Variants in TEX11 observed in about 807,000 individuals in gnomAD.
TEX11 encodes testis-expressed protein 11.
TEX11 carries 7 observed loss-of-function variants against 84.4 expected under a neutral mutation model. That is an observed-to-expected ratio of 0.08 (90% CI 0.05 to 0.16). The LOEUF is 0.16. Ranked by LOEUF, TEX11 falls within the 10% of genes least tolerant of loss-of-function variation. The probability of loss-of-function intolerance (pLI) is 1.00; values close to 1 mark genes in which losing one functional copy is unlikely to be tolerated. For synonymous variants in TEX11, 264 were observed against 222.8 expected, an observed-to-expected ratio of 1.18 and a Z score of -1.64; for missense variants, 551 against 660.5, an observed-to-expected ratio of 0.83 and a Z score of 1.82.
intron 11 of TEX11, among the ~76,000 whole-genome samples, chrX:70,729,826 T>A (rs186986275): frequency 1.5e-4 from 17 of 110,721 alleles, no homozygotes; most frequent in African/African-American, 5.2e-4. Flanking sequence ...AAGATATGCC[T>A]CGAGAAGAGC....
chrX:70,862,671 A>G (rs1202198536), intron 4 of TEX11, among the ~76,000 whole-genome samples: 1 of 108,390 alleles, frequency 9.2e-6, no homozygotes, highest in African/African-American at 3.4e-5. Flanking sequence ...TAAGAGGCTG[A>G]GGTGGGTAAA....
At chrX:70,716,963 T>C (rs1321628916) in intron 13 of TEX11, among the ~76,000 whole-genome samples, 1 of 112,466 alleles carries the variant, frequency 8.9e-6, no homozygotes, top group Non-Finnish European at 1.9e-5. Context: ...TACTTAAATG[T>C]TAATGTCAGA....
At chrX:70,651,223 G>A (rs896850643) in intron 17 of TEX11, among the ~76,000 whole-genome samples, 5 of 111,547 alleles carry the variant, frequency 4.5e-5, no homozygotes, top group African/African-American at 1.3e-4. Flanking sequence ...TTCTTGTCCC[G>A]CGTTTGCCCA....
At chrX:70,626,334 T>C (rs1176349887) in intron 18 of TEX11, among the ~76,000 whole-genome samples, 1 of 110,574 alleles carries the variant, frequency 9.0e-6, no homozygotes, top group African/African-American at 3.3e-5. Context: ...AAGTTCCTCC[T>C]TAAGTTTTGT....
chrX:70,722,196 G>T (rs1312337225), intron 13 of TEX11, among the ~76,000 whole-genome samples: 2 of 112,104 alleles, frequency 1.8e-5, no homozygotes, highest in Non-Finnish European at 3.8e-5. Context: ...TTTTTAATCT[G>T]TAATGTCCAA....
At chrX:70,892,373 T>C (rs770256129) in intron 2 of TEX11, among the ~76,000 whole-genome samples, 1 of 111,617 alleles carries the variant, frequency 9.0e-6, no homozygotes, top group East Asian at 2.8e-4. Context: ...TAGCATCATG[T>C]TGACAGGATC....
intron 7 of TEX11, among the ~76,000 whole-genome samples, chrX:70,842,448 C>T (rs1169288115): frequency 9.0e-6 from 1 of 111,667 alleles, no homozygotes; most frequent in African/African-American, 3.3e-5. Flanking sequence ...ATGCTAAAAA[C>T]TCTCAATAAA....
At chrX:70,740,442 T>C (rs143879790) in intron 11 of TEX11, among the ~76,000 whole-genome samples, 5 of 111,660 alleles carry the variant, frequency 4.5e-5, no homozygotes, top group Non-Finnish European at 9.4e-5. Context: ...ACCTTTTTTA[T>C]TTTTACGTCC....
intron 4 of TEX11, among the ~76,000 whole-genome samples, chrX:70,863,070 T>C (rs1044388149): frequency 2.7e-5 from 3 of 111,200 alleles, no homozygotes; most frequent in Admixed American, 9.6e-5. Context: ...GGCTTATAGA[T>C]ACAACTCCCA....
intron 9 of TEX11, among the ~76,000 whole-genome samples, chrX:70,770,831 G>A (rs1423050688): frequency 9.0e-6 from 1 of 110,935 alleles, no homozygotes; most frequent in Non-Finnish European, 1.9e-5. Context: ...ACTCAAAGAG[G>A]TATACAATAA....
At chrX:70,561,847 T>C (rs904402031) in intron 25 of TEX11, among the ~76,000 whole-genome samples, 4 of 112,384 alleles carry the variant, frequency 3.6e-5, no homozygotes, top group African/African-American at 1.3e-4. Context: ...TCCAACATGA[T>C]TGATATATTA....
At chrX:70,685,171 C>T (rs1392980699) in intron 13 of TEX11, among the ~76,000 whole-genome samples, 1 of 111,867 alleles carries the variant, frequency 8.9e-6, no homozygotes, top group African/African-American at 3.3e-5. Context: ...TGAGACCAGC[C>T]TGGCCAATGT....
intron 2 of TEX11, 111 bp downstream of exon 2, chrX:70,907,642 T>G: frequency 1.7e-6 from 1 of 572,211 alleles, no homozygotes. Context: ...TCCGCCCGCC[T>G]CGGCCTCCCA....
chrX:70,672,240 T>C (rs1225121716), intron 15 of TEX11, among the ~76,000 whole-genome samples: 3 of 111,112 alleles, frequency 2.7e-5, no homozygotes, highest in Non-Finnish European at 5.7e-5. Flanking sequence ...CATACCAGTT[T>C]GTTTATCCAC....
At chrX:70,534,417 T>C (rs938745360) in intron 28 of TEX11, among the ~76,000 whole-genome samples, 1 of 111,588 alleles carries the variant, frequency 9.0e-6, no homozygotes, top group African/African-American at 3.3e-5. Flanking sequence ...TCCAATGAGT[T>C]AGGGAACACT....
chrX:70,566,699 A>G (rs1382633297), intron 25 of TEX11, among the ~76,000 whole-genome samples: 2 of 111,444 alleles, frequency 1.8e-5, no homozygotes, highest in Admixed American at 9.6e-5. Context: ...TATATGCTGG[A>G]TTACATTTAT....
At chrX:70,605,269 T>G in intron 24 of TEX11, 132 bp downstream of exon 24, 1 of 408,512 alleles carries the variant, frequency 2.4e-6, no homozygotes, top group East Asian at 4.0e-5. Flanking sequence ...ATTACAAACT[T>G]TTGAAATCAA....
At chrX:70,656,455 T>C (rs1438617643) in intron 16 of TEX11, among the ~76,000 whole-genome samples, 1 of 110,317 alleles carries the variant, frequency 9.1e-6, no homozygotes, top group African/African-American at 3.3e-5. Flanking sequence ...AAAAAAACTA[T>C]ACAAAATGAT....
At chrX:70,804,803 T>C (rs2091208542) in intron 9 of TEX11, among the ~76,000 whole-genome samples, 1 of 110,701 alleles carries the variant, frequency 9.0e-6, no homozygotes, top group African/African-American at 3.3e-5. Context: ...CAATGGCGTA[T>C]GTGCAAATAA....
Sources: gnomAD v4.1 joint callset for allele counts (sites outside exome capture counted in the v4.1 genomes callset) on GRCh38, gnomAD v4.1.1 for gene constraint, MANE v1.5 for transcripts, NCBI Gene and HGNC (gene_info 2026-07-23, HGNC 2026-07-21) for gene names.